Variants in DVL1 observed in about 807,000 individuals in gnomAD.
DVL1 encodes the protein dishevelled segment polarity protein 1.
A neutral mutation model predicts 65.0 loss-of-function variants in DVL1; 49 were observed. The ratio of observed to expected loss-of-function variants is 0.75; its 90% confidence interval spans 0.60 to 0.96. The LOEUF is 0.96. Among genes scored for constraint, DVL1 ranks in the 40% least tolerant of loss-of-function variants. The pLI is 0.00. For synonymous variants in DVL1, 608 were observed against 433.9 expected, an observed-to-expected ratio of 1.40 and a Z score of -4.99; for missense variants, 1,197 against 1,045.4, an observed-to-expected ratio of 1.15 and a Z score of -2.00.
intron 6 of DVL1, 43 bp from the exon 7 acceptor site, chr1:1,340,359 C>G (rs200442324): frequency 1.2e-6 from 2 of 1,613,394 alleles, no homozygotes; most frequent in Admixed American, 1.7e-5. Flanking sequence ...CGGGGCTGCC[C>G]GACACTGACT....
At chr1:1,342,209 T>G in intron 3 of DVL1, 53 bp from the exon 4 acceptor site, 1 of 1,515,378 alleles carries the variant, frequency 6.6e-7, no homozygotes, top group South Asian at 1.2e-5. Context: ...GCCCCTCAGA[T>G]GCCGCCCAGC....
chr1:1,338,112 G>T lies in DVL1; in HGVS notation c.1579C>A (p.His527Asn), dbSNP rs755677662. 9 of 1,609,538 alleles carry T rather than the reference G, an allele frequency of 5.6e-6. No homozygotes were observed. The African/African-American group carries it at 1.2e-4, about 22-fold the overall frequency. Residue 527 changes from histidine (H) to asparagine (N), a missense_variant, in exon 14 of 15, where the codon CAC (histidine) becomes AAC (asparagine). Physicochemically the swap from His to Asn is moderately conservative, Grantham distance 68 (BLOSUM62 1). Transcript: ENST00000378888. ...SDQDTLAPLPHPAAPWPLGQG... is the reference protein window; with the variant it reads ...SDQDTLAPLPNPAAPWPLGQG... ...CCCAGAGGCCAGGGGGCAGCCGGGT[G>T]GGGCAGCGGGGCCAGCGTGTCCTGA...
Position 1,340,290 on chromosome 1 carries a change from G to A in DVL1, c.726C>T (p.Asp242=), listed in dbSNP as rs1164693928. ...TGACGATGTTGAGGGACATGGTGGA[G>A]TCGGTTATGCTGCTGAAGGAGGAGG... is the stretch of plus-strand genomic sequence containing the variant. ...DRASSFSSIT[D]STMSLNIVTV... The change falls in exon 7 of 15, where the codon GAC becomes GAT. Residue 242 remains aspartate (D), a synonymous_variant. Coordinates refer to ENST00000378888, the MANE Select transcript of DVL1 (RefSeq NM_001330311.2). 1 of 1,614,012 alleles carries A rather than the reference G, an allele frequency of 6.2e-7. No individual in the cohort carries two copies.
At chr1:1,337,523 G>C (rs557597772) in intron 14 of DVL1, among the ~76,000 whole-genome samples, 1 of 152,256 alleles carries the variant, frequency 6.6e-6, no homozygotes, top group Non-Finnish European at 1.5e-5. Flanking sequence ...CAGACTCCTT[G>C]GCCACCCCTG....
At position 1,336,123 on chromosome 1, in the gene DVL1, C is replaced by A. The variant is rs760119618; in HGVS notation, c.*19G>T. The stretch of plus-strand genomic sequence containing the variant: ...CGCCAGCTCCCCACCTCAGGCAGGG[C>A]TGGGGCATGCGCCACGAGTCACATG... On this transcript the variant is annotated 3_prime_UTR_variant, in exon 15 of 15. Coordinates refer to ENST00000378888, the MANE Select transcript of DVL1 (RefSeq NM_001330311.2). 1.6e-5 allele frequency: 25 copies of A among 1,568,628 alleles called. No individual in the cohort carries two copies. The highest frequency in any genetic ancestry group is 4.0e-5 in the African/African-American group (3 of 74,458).
In DVL1 at chr1:1,349,041, G is replaced by A. The variant is rs138682898; in HGVS notation, c.25C>T (p.His9Tyr). The change falls in exon 1 of 15, where the codon CAC becomes TAC. Residue 9 changes from histidine to tyrosine, a missense_variant. His to Tyr is a moderately conservative substitution (Grantham distance 83). Transcript: ENST00000378888. The surrounding 1 kb of genome is among the most constrained non-coding windows in gnomAD (Gnocchi z 4.1). ...TACGGCGTCTCCTCCTCGTCCATGT[G>A]GTAGATAATCTTGGTCTCCGCCATG... MAETKIIY[H>Y]MDEEETPYLV... 2 of 1,549,854 alleles carry A rather than the reference G, an allele frequency of 1.3e-6. No individual in the cohort carries two copies. The highest frequency in any genetic ancestry group is 2.8e-5 in the African/African-American group (2 of 70,246).
At chr1:1,344,404 A>G (rs1643888576) in intron 1 of DVL1, among the ~76,000 whole-genome samples, 1 of 152,148 alleles carries the variant, frequency 6.6e-6, no homozygotes, top group African/African-American at 2.4e-5. Flanking sequence ...AGTAGGTAGC[A>G]GGAGGCCCCC....
intron 2 of DVL1, 89 bp from the exon 3 acceptor site, chr1:1,342,573 G>T (rs1643866240): frequency 1.9e-6 from 3 of 1,574,124 alleles, no homozygotes; most frequent in Admixed American, 1.8e-5. Flanking sequence ...CCAGCAAGCT[G>T]CCCTATCCGC....
chr1:1,343,226 A>T (rs1428261947), intron 1 of DVL1, among the ~76,000 whole-genome samples: 5 of 141,190 alleles, frequency 3.5e-5, no homozygotes, highest in Admixed American at 1.4e-4. Context: ...GTCTCCAACC[A>T]CCCCCACCTC....
At chr1:1,346,987 G>A (rs899693116) in intron 1 of DVL1, among the ~76,000 whole-genome samples, 1 of 152,194 alleles carries the variant, frequency 6.6e-6, no homozygotes, top group African/African-American at 2.4e-5. Context: ...GTGCTGAGAG[G>A]TCTGCGGGTA....
intron 3 of DVL1, 48 bp from the exon 4 acceptor site, chr1:1,342,204 T>C (rs1157520015): frequency 1.3e-6 from 2 of 1,517,762 alleles, no homozygotes; most frequent in Non-Finnish European, 8.9e-7. Flanking sequence ...CCCCAGCCCC[T>C]CAGATGCCGC....
At chr1:1,341,412 G>A (rs1485685474) in intron 5 of DVL1, among the ~76,000 whole-genome samples, 1 of 152,028 alleles carries the variant, frequency 6.6e-6, no homozygotes, top group East Asian at 1.9e-4. Context: ...TGCACAAGCA[G>A]ACACGTGCAT....
At position 1,344,078 on chromosome 1, in the gene DVL1, G is replaced by C. The variant is rs940422709; in HGVS notation, c.171-1320C>G. 2.0e-5 allele frequency among the ~76,000 whole-genome samples: 3 copies of C among 152,162 alleles called. No homozygotes were observed. The South Asian group carries it at 6.2e-4, about 31-fold the overall frequency. ...AGAGGGGATGGCTGGGCAGGGGCAG[G>C]TCCCCAGGCCAAGGAGCAAGGCAGG... On this transcript the variant is annotated intron_variant, in intron 1 of 14. Transcript: ENST00000378888.
At chr1:1,339,177 A>G (rs2100724027) in intron 11 of DVL1, 110 bp downstream of exon 11, 1 of 1,420,356 alleles carries the variant, frequency 7.0e-7, no homozygotes, top group East Asian at 2.5e-5. Context: ...GACAGGCAAC[A>G]CACACGTGTC....
chr1:1,342,415 G>A lies in DVL1; in HGVS notation c.310C>T (p.Pro104Ser), dbSNP rs776308675. The A allele has an allele frequency of 6.3e-5, 100 of 1,594,520 alleles. 2 individuals are homozygous for A. In the South Asian group the frequency reaches 9.9e-4, roughly 16 times the overall value. Reference sequence around the variant, plus strand: ...ATGCCGCCTGTCCGCTCAAGAGGCGGGGGCAGGTCTGTGTGGCTGTCCGTG... The same window carrying A: ...ATGCCGCCTGTCCGCTCAAGAGGCGAGGGCAGGTCTGTGTGGCTGTCCGTG... ...QGTDSHTDLPPPLERTGGIGD... is the reference protein window; with the variant it reads ...QGTDSHTDLPSPLERTGGIGD... Residue 104 changes from proline to serine, a missense_variant, in exon 3 of 15, where the codon CCG becomes TCG. Physicochemically the swap from Pro to Ser is moderately conservative, Grantham distance 74. Coordinates refer to ENST00000378888, the MANE Select transcript of DVL1 (RefSeq NM_001330311.2).
intron 14 of DVL1, 160 bp downstream of exon 14, chr1:1,337,817 T>C (rs1350595767): frequency 2.1e-5 from 15 of 725,210 alleles, no homozygotes; most frequent in South Asian, 7.4e-5. Context: ...GAGCATGGGA[T>C]TGGGGTCAGC....
At position 1,339,182 on chromosome 1, in the gene DVL1, C is replaced by G. The variant is rs902895483; in HGVS notation, c.1207+105G>C. Reference sequence around the variant, plus strand: ...GGGAGTTGGGGACAGGCAACACACACGTGTCACAGCCCCATGACGGCCACA... The same window carrying G: ...GGGAGTTGGGGACAGGCAACACACAGGTGTCACAGCCCCATGACGGCCACA... On this transcript the variant is annotated intron_variant, in intron 11 of 14. Coordinates refer to ENST00000378888, the MANE Select transcript of DVL1 (RefSeq NM_001330311.2). 13 of 1,438,782 alleles carry G rather than the reference C, an allele frequency of 9.0e-6. No homozygotes were observed. The Admixed American group carries it at 1.0e-4, about 11-fold the overall frequency. 89.1% of individuals were successfully genotyped at this position (1,438,782 alleles called of 1,614,324 possible).
In DVL1 at chr1:1,339,641, C is replaced by T. The variant is rs150339541; in HGVS notation, c.995G>A (p.Ser332Asn). 2 of 1,610,452 alleles carry T rather than the reference C, an allele frequency of 1.2e-6. No homozygotes were observed. Among genetic ancestry groups the T allele is most frequent in the Non-Finnish European group, 1.7e-6 (2 of 1,178,144 alleles). The change falls in exon 10 of 15, where the codon AGC (serine) becomes AAC (asparagine). Residue 332 changes from serine to asparagine, a missense_variant. Physicochemically the swap from Ser to Asn is conservative, Grantham distance 46 (BLOSUM62 1). Transcript: ENST00000378888. The part of the protein sequence containing the change: ...REIVSQTGPI[S>N]LTVAKCWDPT... ...GTCCCAGCACTTGGCCACAGTGAGG[C>T]TGATGGGCCTGCAGGAACGGTGGTC...
At chr1:1,338,759 A>T in intron 11 of DVL1, 106 bp from the exon 12 acceptor site, 2 of 1,476,208 alleles carry the variant, frequency 1.4e-6, no homozygotes, top group Non-Finnish European at 1.8e-6. Flanking sequence ...GCCAGGGCGC[A>T]AGCTGGACGG....
Sources: allele counts gnomAD v4.1 joint callset (sites outside exome capture counted in the v4.1 genomes callset), GRCh38; gene constraint gnomAD v4.1.1; non-coding constraint Gnocchi (gnomAD v3.1); transcripts MANE v1.5; gene names NCBI Gene and HGNC (gene_info 2026-07-23, HGNC 2026-07-21).